ARSB: variants seen among roughly 807,000 people sequenced by gnomAD.
The protein encoded by ARSB is arylsulfatase B.
ARSB carries 41 observed loss-of-function variants against 50.9 expected under a neutral mutation model. The ratio of observed to expected loss-of-function variants is 0.81; its 90% CI spans 0.63 to 1.04. ARSB has a LOEUF of 1.04. Ranked by LOEUF, ARSB falls within the 50% of genes least tolerant of loss-of-function variation. The probability of loss-of-function intolerance (pLI) is 0.00; values close to 1 mark genes in which losing one functional copy is unlikely to be tolerated. For missense variants in ARSB, 672 were observed against 693.3 expected (o/e 0.97, Z 0.35); for synonymous variants, 269 against 284.8 (o/e 0.94, Z 0.56).
chr5:78,856,759 G>A (rs1746168016), intron 5 of ARSB, among the ~76,000 whole-genome samples: 1 of 152,144 alleles, frequency 6.6e-6, no homozygotes, highest in Admixed American at 6.5e-5. Context: ...TCATTTTTAG[G>A]TAATGCTACA....
At chr5:78,812,683 G>A (rs1182294197) in intron 6 of ARSB, among the ~76,000 whole-genome samples, 1 of 150,658 alleles carries the variant, frequency 6.6e-6, no homozygotes, top group Non-Finnish European at 1.5e-5. Flanking sequence ...AAATTGTACT[G>A]GTACACATGA....
chr5:78,973,908 C>T (rs191042953), intron 1 of ARSB, among the ~76,000 whole-genome samples: 1 of 152,294 alleles, frequency 6.6e-6, no homozygotes, highest in East Asian at 1.9e-4. Context: ...CCTCCTGCTG[C>T]AGTACTTAAA....
intron 1 of ARSB, among the ~76,000 whole-genome samples, chr5:78,970,384 T>G (rs1312845708): frequency 6.6e-6 from 1 of 152,226 alleles, no homozygotes; most frequent in Non-Finnish European, 1.5e-5. Context: ...TTTCATAAGT[T>G]ATTTATGTTA....
At chr5:78,818,340 G>GATCTCTGTAGATCTCT (rs1744078415) in intron 6 of ARSB, among the ~76,000 whole-genome samples, 1 of 152,152 alleles carries the variant, frequency 6.6e-6, no homozygotes, top group Non-Finnish European at 1.5e-5. Context: ...ATACAACTAA[G>GATCTCTGTAGATCTCT]GCTGCACAGG....
Position 78,778,726 on chromosome 5 carries a change from T to C in ARSB, c.*1671A>G, listed in dbSNP as rs1289034386. The C allele has an allele frequency of 6.6e-6, 1 of 152,242 alleles. No homozygotes were observed. Among genetic ancestry groups the C allele is most frequent in the Non-Finnish European group, 1.5e-5 (1 of 68,052 alleles). 9.4% of individuals were successfully genotyped at this position (152,242 alleles called of 1,614,324 possible). On this transcript the variant is annotated 3_prime_UTR_variant, in exon 8 of 8. Coordinates refer to ENST00000264914, the MANE Select transcript of ARSB (RefSeq NM_000046.5). ...TTACTCATTTGTCCATTTATTCATT[T>C]GTTTTAAAAAATGAGGCCAGGCATG...
chr5:78,871,428 T>A (rs1241611684), intron 5 of ARSB, among the ~76,000 whole-genome samples: 17 of 151,118 alleles, frequency 1.1e-4, no homozygotes, highest in South Asian at 4.2e-4. Context: ...CTACAAGGCT[T>A]CAGTAACCAA....
chr5:78,848,338 A>G (rs1404559705), intron 5 of ARSB, among the ~76,000 whole-genome samples: 1 of 48,486 alleles, frequency 2.1e-5, no homozygotes, highest in East Asian at 2.9e-4. Flanking sequence ...TGTCCTTGCG[A>G]TAGTTTACTG....
intron 6 of ARSB, among the ~76,000 whole-genome samples, chr5:78,788,613 G>T (rs537681645): frequency 6.6e-6 from 1 of 151,910 alleles, no homozygotes; most frequent in South Asian, 2.1e-4. Flanking sequence ...TATTTTTTGA[G>T]ATAAGGTCTT....
chr5:78,887,876 A>G (rs879341004), intron 4 of ARSB, among the ~76,000 whole-genome samples: 3 of 152,194 alleles, frequency 2.0e-5, no homozygotes, highest in Non-Finnish European at 4.4e-5. Context: ...GGTCAACCTC[A>G]GCAAAGTGTA....
At chr5:78,865,261 C>T (rs930303099) in intron 5 of ARSB, among the ~76,000 whole-genome samples, 2 of 152,224 alleles carry the variant, frequency 1.3e-5, no homozygotes, top group Non-Finnish European at 2.9e-5. Flanking sequence ...GGTTCCCAAA[C>T]CCCAATTCTC....
chr5:78,802,157 G>C (rs1184389453), intron 6 of ARSB, among the ~76,000 whole-genome samples: 1 of 151,976 alleles, frequency 6.6e-6, no homozygotes, highest in East Asian at 1.9e-4. Flanking sequence ...ACAACTCCTT[G>C]CCTGATAACT....
chr5:78,914,634 C>A (rs983137471), intron 4 of ARSB, among the ~76,000 whole-genome samples: 1 of 152,124 alleles, frequency 6.6e-6, no homozygotes, highest in African/African-American at 2.4e-5. Context: ...ATACTCAGAG[C>A]CATCAGATGA....
At chr5:78,933,958 G>A (rs1361003948) in intron 4 of ARSB, among the ~76,000 whole-genome samples, 1 of 152,158 alleles carries the variant, frequency 6.6e-6, no homozygotes, top group Non-Finnish European at 1.5e-5. Context: ...ACATGAGGAG[G>A]ACTCAACCCA....
At chr5:78,866,826 G>A (rs998293594) in intron 5 of ARSB, among the ~76,000 whole-genome samples, 5 of 152,234 alleles carry the variant, frequency 3.3e-5, no homozygotes, top group Non-Finnish European at 7.3e-5. Context: ...CAAGATGGCC[G>A]AATAGGGACA....
intron 6 of ARSB, among the ~76,000 whole-genome samples, chr5:78,809,337 G>A (rs1256830692): frequency 1.1e-4 from 16 of 152,256 alleles, no homozygotes; most frequent in South Asian, 4.1e-4. Context: ...AGAAAGGCAG[G>A]AAAGGTCACT....
chr5:78,815,002 T>TAA lies in ARSB; in HGVS notation c.1213+24352_1213+24353dup, dbSNP rs113492241. ...GTTGAATATATAAGGGCACACAAAG[T>TAA]AAAAAAAACCCCAAACTAAAACAAC... On this transcript the variant is annotated intron_variant, in intron 6 of 7. Transcript: ENST00000264914. 2.1e-3 allele frequency among the ~76,000 whole-genome samples: 310 copies of TAA among 149,828 alleles called. 10 individuals are homozygous for TAA. The highest frequency in any genetic ancestry group is 5.6e-3 in the African/African-American group (227 of 40,374).
At chr5:78,854,547 C>T (rs1013427454) in intron 5 of ARSB, among the ~76,000 whole-genome samples, 12 of 152,124 alleles carry the variant, frequency 7.9e-5, no homozygotes, top group Admixed American at 6.5e-4. Context: ...TTCAAAAGTT[C>T]CTCTTGTTAT....
At chr5:78,914,902 T>C (rs9293758) in intron 4 of ARSB, among the ~76,000 whole-genome samples, 46,253 of 152,006 alleles carry the variant, frequency 0.3, 7,375 homozygotes, top group Middle Eastern at 0.38. Flanking sequence ...CTGGCTCAAG[T>C]GACCTGCCTT....
In ARSB at chr5:78,792,274, G is replaced by A. The variant is rs572687247; in HGVS notation, c.1214-10300C>T. Reference sequence around the variant, plus strand: ...CATGCCTGTAATCCCAGCTACTCAGGAGGCTGAGGCATGAGAAGCACTTGA... The same window carrying A: ...CATGCCTGTAATCCCAGCTACTCAGAAGGCTGAGGCATGAGAAGCACTTGA... On this transcript the variant is annotated intron_variant, in intron 6 of 7. Coordinates refer to ENST00000264914, the MANE Select transcript of ARSB (RefSeq NM_000046.5). Among the ~76,000 whole-genome samples, 11 of 151,980 alleles carry A rather than the reference G, an allele frequency of 7.2e-5. No homozygotes were observed. The South Asian group carries it at 2.1e-3, about 29-fold the overall frequency.
Sources: gnomAD v4.1 joint callset for allele counts (sites outside exome capture counted in the v4.1 genomes callset) on GRCh38, gnomAD v4.1.1 for gene constraint, MANE v1.5 for transcripts, NCBI Gene and HGNC (gene_info 2026-07-23, HGNC 2026-07-21) for gene names.